GCNT2: variants seen among roughly 807,000 people sequenced by gnomAD.
The protein encoded by GCNT2 is N-acetyllactosaminide beta-1,6-N-acetylglucosaminyl-transferase.
A neutral mutation model predicts 34.2 loss-of-function variants in GCNT2; 34 were observed. The ratio of observed to expected loss-of-function variants is 1.00; its 90% CI spans 0.76 to 1.32. GCNT2 has a LOEUF of 1.32. Among genes scored for constraint, GCNT2 ranks in the 40% most tolerant of loss-of-function variants. The pLI is 0.00. For synonymous variants in GCNT2, 212 were observed against 188.0 expected, an observed-to-expected ratio of 1.13 and a Z score of -1.04; for missense variants, 584 against 489.4, an observed-to-expected ratio of 1.19 and a Z score of -1.82.
chr6:10,554,426 T>C (rs1270692886), intron 3 of GCNT2, among the ~76,000 whole-genome samples: 3 of 152,232 alleles, frequency 2.0e-5, no homozygotes, highest in Non-Finnish European at 4.4e-5. Context: ...ATAGTAATGC[T>C]ATTAATGTCT....
intron 4 of GCNT2, among the ~76,000 whole-genome samples, chr6:10,624,830 G>C (rs1202658460): frequency 1.3e-5 from 2 of 151,762 alleles, no homozygotes; most frequent in Non-Finnish European, 1.5e-5. Flanking sequence ...CCCTCTCTCA[G>C]ACCCTTGCTC....
At chr6:10,600,469 A>G (rs1370443658) in intron 3 of GCNT2, among the ~76,000 whole-genome samples, 1 of 152,136 alleles carries the variant, frequency 6.6e-6, no homozygotes, top group Non-Finnish European at 1.5e-5. Flanking sequence ...ATAGTGGTAT[A>G]GAGTCACGCA....
chr6:10,554,957 C>T (rs114797187), intron 3 of GCNT2, among the ~76,000 whole-genome samples: 2,112 of 152,242 alleles, frequency 0.014, 38 homozygotes, highest in African/African-American at 0.04. Context: ...GTCATTTGGT[C>T]GGAGTTCAGG....
chr6:10,550,734 G>T (rs886667367), intron 3 of GCNT2, among the ~76,000 whole-genome samples: 2 of 151,918 alleles, frequency 1.3e-5, no homozygotes, highest in Non-Finnish European at 2.9e-5. Flanking sequence ...CCTCTCCCTC[G>T]GCCTCCCAAA....
intron 3 of GCNT2, among the ~76,000 whole-genome samples, chr6:10,587,793 G>T (rs1285899430): frequency 6.6e-6 from 1 of 152,090 alleles, no homozygotes; most frequent in Non-Finnish European, 1.5e-5. Flanking sequence ...CGTCTTTCCT[G>T]TGTGTCCCCA....
At chr6:10,583,802 C>T (rs1260382516) in intron 3 of GCNT2, among the ~76,000 whole-genome samples, 1 of 152,142 alleles carries the variant, frequency 6.6e-6, no homozygotes, top group Admixed American at 6.5e-5. Flanking sequence ...GGTAGTCACT[C>T]CACATATTGT....
rs146956766 is a variant in GCNT2 at position 10,603,887 on chromosome 6, G to GTTGT, written c.926-17441_926-17438dup. Among the ~76,000 whole-genome samples, 234 of 135,474 alleles carry GTTGT rather than the reference G, an allele frequency of 1.7e-3. 1 individual carries two copies. Among genetic ancestry groups the GTTGT allele is most frequent in the African/African-American group, 5.1e-3 (175 of 34,414 alleles). 88.9% of individuals were successfully genotyped at this position (135,474 alleles called of 152,430 possible). A position where few individuals can be genotyped will look rare whatever the true frequency, so the allele number is the denominator to read the frequency against. ...TGTTTGCTTGTTTGTTTTTTGGTTT[G>GTTGT]TTGTTTGTTTGTTTGTTTGTTTGTT... is the stretch of plus-strand genomic sequence containing the variant. On this transcript the variant is annotated intron_variant, in intron 3 of 4. Transcript: ENST00000495262.
intron 3 of GCNT2, among the ~76,000 whole-genome samples, chr6:10,572,670 C>G (rs985877153): frequency 6.6e-6 from 1 of 151,998 alleles, no homozygotes; most frequent in African/African-American, 2.4e-5. Flanking sequence ...GGAGGCGGAG[C>G]TTGCAGTGAG....
In GCNT2 at chr6:10,617,750, C is replaced by CTTT. The variant is rs3064178; in HGVS notation, c.926-3581_926-3579dup. ...CACCTGGCCAGAGTCTGCATTTCTT[C>CTTT]TTTTTTTTTTTTTTTTTTTTTTGAC... On this transcript the variant is annotated intron_variant, in intron 3 of 4. Coordinates refer to ENST00000495262, the MANE Select transcript of GCNT2 (RefSeq NM_145649.5). Among the ~76,000 whole-genome samples the CTTT allele has an allele frequency of 3.7e-4, 38 of 101,688 alleles. 1 individual carries two copies. The highest frequency in any genetic ancestry group is 1.1e-3 in the African/African-American group (22 of 19,900). The allele number at this position is 101,688 out of a possible 152,430, so 66.7% of individuals were successfully genotyped here.
intron 3 of GCNT2, among the ~76,000 whole-genome samples, chr6:10,565,671 A>G (rs767519427): frequency 6.6e-6 from 1 of 151,958 alleles, no homozygotes; most frequent in Non-Finnish European, 1.5e-5. Flanking sequence ...GAAGAAATCT[A>G]CCTTTCTCTA....
chr6:10,619,640 C>T (rs1000868107), intron 3 of GCNT2: 3 of 152,228 alleles, frequency 2.0e-5, no homozygotes, highest in African/African-American at 7.2e-5. Context: ...AGGTATGAGC[C>T]ACTGTACACA....
At chr6:10,567,710 C>T (rs1279115106) in intron 3 of GCNT2, among the ~76,000 whole-genome samples, 4 of 152,166 alleles carry the variant, frequency 2.6e-5, no homozygotes, top group Admixed American at 2.0e-4. Context: ...CTCCTGTCCA[C>T]AATGCAATGT....
At chr6:10,526,864 C>G in intron 1 of GCNT2, among the ~76,000 whole-genome samples, 1 of 152,094 alleles carries the variant, frequency 6.6e-6, no homozygotes, top group South Asian at 2.1e-4. Flanking sequence ...AGCTGTCATC[C>G]TAAAGCTTTG....
intron 3 of GCNT2, among the ~76,000 whole-genome samples, chr6:10,532,419 T>TG (rs1347645709): frequency 6.6e-6 from 1 of 152,220 alleles, no homozygotes; most frequent in Non-Finnish European, 1.5e-5. Context: ...CGGAGGACCC[T>TG]GACCAGCTCT....
intron 3 of GCNT2, among the ~76,000 whole-genome samples, chr6:10,605,699 G>T (rs183996748): frequency 6.6e-6 from 1 of 151,988 alleles, no homozygotes; most frequent in Non-Finnish European, 1.5e-5. Flanking sequence ...CCGAAGAATG[G>T]AATTTACTAG....
intron 3 of GCNT2, among the ~76,000 whole-genome samples, chr6:10,533,372 A>G (rs563281654): frequency 1.3e-5 from 2 of 152,288 alleles, no homozygotes; most frequent in South Asian, 2.1e-4. Context: ...TCTCATGGGA[A>G]GGGAGAACAG....
intron 3 of GCNT2, among the ~76,000 whole-genome samples, chr6:10,596,076 A>G (rs948176898): frequency 2.6e-5 from 4 of 152,240 alleles, no homozygotes; most frequent in African/African-American, 9.6e-5. Context: ...CAGTTCACTG[A>G]AAAGTAAAAA....
intron 3 of GCNT2, chr6:10,556,902 G>A: frequency 6.2e-7 from 1 of 1,614,120 alleles, no homozygotes; most frequent in Non-Finnish European, 8.5e-7. Context: ...GTTGTCTATG[G>A]AGGGATCTCC....
intron 2 of GCNT2, among the ~76,000 whole-genome samples, chr6:10,527,889 C>G (rs1221439510): frequency 6.6e-6 from 1 of 152,092 alleles, no homozygotes; most frequent in African/African-American, 2.4e-5. Context: ...AAAAAAGCCT[C>G]CTTTAAAGCA....
Sources: allele counts gnomAD v4.1 joint callset (sites outside exome capture counted in the v4.1 genomes callset), GRCh38; gene constraint gnomAD v4.1.1; transcripts MANE v1.5; gene names NCBI Gene and HGNC (gene_info 2026-07-23, HGNC 2026-07-21).